Variants in CEP192 observed in about 807,000 individuals in gnomAD.
CEP192 encodes centrosomal protein 192, also known as centrosomal protein of 192 kDa.
Under a neutral mutation model 271.8 loss-of-function variants are expected in CEP192, and 151 were observed. The ratio of observed to expected loss-of-function variants is 0.56; its 90% confidence interval spans 0.49 to 0.64. The LOEUF is 0.64. Ranked by LOEUF, CEP192 falls within the 30% of genes least tolerant of loss-of-function variation. The pLI, the probability that CEP192 is intolerant of heterozygous loss-of-function variation, is 0.00. For missense variants in CEP192, 2,910 were observed against 3,020.5 expected (o/e 0.96, Z 0.86); for synonymous variants, 995 against 1,076.5 (o/e 0.92, Z 1.48).
At chr18:13,113,852 G>A in intron 41 of CEP192, 147 bp downstream of exon 41, 1 of 851,740 alleles carries the variant, frequency 1.2e-6, no homozygotes, top group Non-Finnish European at 1.8e-6. Flanking sequence ...GCATGTTTGA[G>A]GACTGGATTT....
intron 43 of CEP192, among the ~76,000 whole-genome samples, 175 bp downstream of exon 43, chr18:13,116,678 C>T (rs1012947410): frequency 5.9e-5 from 9 of 152,022 alleles, no homozygotes; most frequent in Non-Finnish European, 8.8e-5. Context: ...GGTGCGATCT[C>T]GGCTCACTGC....
intron 11 of CEP192, among the ~76,000 whole-genome samples, chr18:13,032,434 C>T (rs1437316069): frequency 6.6e-6 from 1 of 151,918 alleles, no homozygotes; most frequent in Non-Finnish European, 1.5e-5. Context: ...AGCTGAGTTG[C>T]GGTTAGGACT....
At chr18:13,107,843 CATA>C (rs1183562192) in intron 40 of CEP192, among the ~76,000 whole-genome samples, 1 of 143,196 alleles carries the variant, frequency 7.0e-6, no homozygotes, top group African/African-American at 2.6e-5. Context: ...AATTTCAACT[CATA>C]ATGAGTTAAA....
chr18:13,056,708 T>G lies in CEP192; in HGVS notation c.4108+10T>G. On this transcript the variant is annotated intron_variant, in intron 19 of 44. Transcript: ENST00000506447. ...GTGACATCAGGATTGGGTAAGATGC[T>G]TTTTCTCTATTATTATTACTTGCTA... The G allele has an allele frequency of 1.3e-6, 2 of 1,550,574 alleles. No individual in the cohort carries two copies. Among genetic ancestry groups the G allele is most frequent in the Non-Finnish European group, 1.7e-6 (2 of 1,149,720 alleles).
intron 38 of CEP192, among the ~76,000 whole-genome samples, chr18:13,103,001 G>T (rs1161087381): frequency 1.3e-5 from 2 of 152,188 alleles, no homozygotes; most frequent in Non-Finnish European, 2.9e-5. Flanking sequence ...TCTGTTCATT[G>T]GTTGTTATTT....
chr18:13,072,039 G>GT (rs2038041148), intron 28 of CEP192, among the ~76,000 whole-genome samples: 1 of 152,154 alleles, frequency 6.6e-6, no homozygotes, highest in South Asian at 2.1e-4. Context: ...CATTGTACCT[G>GT]TGGAAGGCTT....
At chr18:13,086,095 T>C (rs2038884109) in intron 30 of CEP192, among the ~76,000 whole-genome samples, 1 of 152,232 alleles carries the variant, frequency 6.6e-6, no homozygotes, top group African/African-American at 2.4e-5. Flanking sequence ...GAAGAGGTCA[T>C]TGACTTCCCT....
At chr18:13,011,006 C>T (rs2034315936) in intron 4 of CEP192, among the ~76,000 whole-genome samples, 1 of 152,044 alleles carries the variant, frequency 6.6e-6, no homozygotes, top group Non-Finnish European at 1.5e-5. Flanking sequence ...GTGAGCGGAT[C>T]ATTTGAGGTC....
At chr18:13,025,694 G>T (rs1375297314) in intron 9 of CEP192, among the ~76,000 whole-genome samples, 1 of 152,146 alleles carries the variant, frequency 6.6e-6, no homozygotes, top group Non-Finnish European at 1.5e-5. Context: ...GGTAGTTTGA[G>T]TAATGATAAT....
At chr18:13,091,810 A>G (rs1208541443) in intron 33 of CEP192, among the ~76,000 whole-genome samples, 3 of 152,210 alleles carry the variant, frequency 2.0e-5, no homozygotes, top group African/African-American at 7.2e-5. Context: ...AATTAAATGA[A>G]TAGTTCTAGT....
intron 6 of CEP192, among the ~76,000 whole-genome samples, chr18:13,016,706 AG>A (rs1027803367): frequency 2.0e-5 from 3 of 152,146 alleles, no homozygotes; most frequent in African/African-American, 7.2e-5. Flanking sequence ...TGACTGACTG[AG>A]GGGTCATGTT....
chr18:13,056,931 C>G (rs1392144774), intron 19 of CEP192, among the ~76,000 whole-genome samples: 1 of 152,214 alleles, frequency 6.6e-6, no homozygotes, highest in African/African-American at 2.4e-5. Flanking sequence ...CCTTATCTCT[C>G]TTTTGCTCTG....
At chr18:13,061,995 T>G (rs67334724) in intron 21 of CEP192, among the ~76,000 whole-genome samples, 12 of 152,252 alleles carry the variant, frequency 7.9e-5, no homozygotes, top group African/African-American at 2.9e-4. Context: ...GTAGCAGACA[T>G]GATAAATCAC....
intron 9 of CEP192, among the ~76,000 whole-genome samples, chr18:13,020,723 C>T (rs111476630): frequency 7.2e-5 from 11 of 152,280 alleles, no homozygotes; most frequent in African/African-American, 2.6e-4. Flanking sequence ...TTTTCCACAT[C>T]CTATTTAACA....
chr18:13,081,701 C>T (rs1232945311), intron 30 of CEP192, among the ~76,000 whole-genome samples: 1 of 152,120 alleles, frequency 6.6e-6, no homozygotes, highest in Non-Finnish European at 1.5e-5. Context: ...TTTGCTCTTG[C>T]TCCTCTAGTT....
At chr18:13,031,998 T>C (rs1010402645) in intron 11 of CEP192, among the ~76,000 whole-genome samples, 5 of 152,082 alleles carry the variant, frequency 3.3e-5, no homozygotes, top group African/African-American at 1.2e-4. Context: ...GGCCGGAGGC[T>C]AGGAGGTGAA....
intron 40 of CEP192, among the ~76,000 whole-genome samples, chr18:13,109,422 A>G (rs1055660441): frequency 1.3e-5 from 2 of 152,146 alleles, no homozygotes; most frequent in Admixed American, 6.5e-5. Flanking sequence ...AAAATTAACT[A>G]TTGGGTACTA....
intron 30 of CEP192, among the ~76,000 whole-genome samples, chr18:13,078,945 C>T (rs528662427): frequency 3.9e-5 from 6 of 152,226 alleles, no homozygotes; most frequent in Admixed American, 2.6e-4. Flanking sequence ...CTTCATCCAT[C>T]TTCCTGCAAA....
chr18:13,034,156 G>A (rs1048804632), intron 11 of CEP192, among the ~76,000 whole-genome samples: 1 of 152,124 alleles, frequency 6.6e-6, no homozygotes, highest in Non-Finnish European at 1.5e-5. Flanking sequence ...ATAACGGAAA[G>A]ATTGAATGAA....
Sources: allele counts gnomAD v4.1 joint callset (sites outside exome capture counted in the v4.1 genomes callset), GRCh38; gene constraint gnomAD v4.1.1; transcripts MANE v1.5; gene names NCBI Gene and HGNC (gene_info 2026-07-23, HGNC 2026-07-21).